RNF146: variants seen among roughly 807,000 people sequenced by gnomAD.
The protein encoded by RNF146 is ring finger protein 146, also known as E3 ubiquitin-protein ligase RNF146.
Under a neutral mutation model 29.7 loss-of-function variants are expected in RNF146, and 11 were observed. The ratio of observed to expected loss-of-function variants is 0.37; its 90% confidence interval spans 0.23 to 0.61. RNF146 has a LOEUF of 0.61. RNF146 is among the 20% of genes least tolerant of loss of function. The pLI, the probability that RNF146 is intolerant of heterozygous loss-of-function variation, is 0.66. For missense variants in RNF146, 342 were observed against 438.9 expected (o/e 0.78, Z 1.97); for synonymous variants, 150 against 159.7 (o/e 0.94, Z 0.46).
At chr6:127,280,484 A>T (rs1778783836) in intron 2 of RNF146, 144 bp downstream of exon 2, 10 of 1,303,944 alleles carry the variant, frequency 7.7e-6, no homozygotes, top group Non-Finnish European at 9.9e-6. Flanking sequence ...CTTTATTAAC[A>T]ATTTATTTAC....
intron 2 of RNF146, chr6:127,280,577 C>G: frequency 8.4e-7 from 1 of 1,190,966 alleles, no homozygotes. Flanking sequence ...CAGGAGTTTG[C>G]TCAAAGAATG....
chr6:127,275,424 ATAAATC>A (rs1409783811), intron 1 of RNF146, among the ~76,000 whole-genome samples: 4 of 152,146 alleles, frequency 2.6e-5, no homozygotes, highest in Non-Finnish European at 4.4e-5. Flanking sequence ...TGTTATTTGA[ATAAATC>A]TAATCCTTTG....
Position 127,288,337 on chromosome 6 carries a change from TAATA to T in RNF146, c.*649_*652del, listed in dbSNP as rs1779790932. On this transcript the variant is annotated 3_prime_UTR_variant, in exon 3 of 3. Coordinates refer to ENST00000368314, the MANE Select transcript of RNF146 (RefSeq NM_001242850.2). The stretch of plus-strand genomic sequence containing the variant: ...CTTTTTGATTACAAAATTTATAATT[TAATA>T]AATACTAGAGTTTATCAAAAACAGT... 1 of 166,846 alleles carries T rather than the reference TAATA, an allele frequency of 6.0e-6. No homozygotes were observed. Among genetic ancestry groups the T allele is most frequent in the African/African-American group, 2.4e-5 (1 of 41,436 alleles). 10.3% of individuals were successfully genotyped at this position (166,846 alleles called of 1,614,324 possible).
chr6:127,280,548 A>G (rs367565884), intron 2 of RNF146: 126 of 1,241,468 alleles, frequency 1.0e-4, no homozygotes, highest in Middle Eastern at 6.3e-4. Context: ...AAAAGTCTCT[A>G]TAAGAAAAAC....
At chr6:127,283,866 A>C (rs143750101) in intron 2 of RNF146, among the ~76,000 whole-genome samples, 29 of 151,862 alleles carry the variant, frequency 1.9e-4, no homozygotes, top group African/African-American at 6.3e-4. Context: ...GTCCAACTTC[A>C]CTTCATTCTG....
Position 127,287,340 on chromosome 6 carries a change from C to G in RNF146, c.727C>G (p.Leu243Val), listed in dbSNP as rs1177859804. The G allele has an allele frequency of 1.9e-6, 3 of 1,613,486 alleles. No homozygotes were observed. The highest frequency in any genetic ancestry group is 1.1e-5 in the South Asian group (1 of 91,068). ...ACCATCCCCTGATGCAAGCACTTCT[C>G]TGGAAGACTCTTTTGCTCATTTACA... is the stretch of plus-strand genomic sequence containing the variant. ...ATPSPDASTS[L>V]EDSFAHLQLS... The change falls in exon 3 of 3, where the codon CTG becomes GTG. Residue 243 changes from leucine (L) to valine (V), a missense_variant. Physicochemically the swap from Leu to Val is conservative, Grantham distance 32 (BLOSUM62 1). Coordinates refer to ENST00000368314, the MANE Select transcript of RNF146 (RefSeq NM_001242850.2).
At chr6:127,280,402 G>A (rs915154638) in intron 2 of RNF146, 62 bp downstream of exon 2, 13 of 1,518,528 alleles carry the variant, frequency 8.6e-6, no homozygotes, top group Admixed American at 4.0e-5. Context: ...GGTTTAACGT[G>A]TGGTAAATTG....
intron 1 of RNF146, among the ~76,000 whole-genome samples, chr6:127,269,104 AAAC>A: frequency 6.6e-6 from 1 of 152,308 alleles, no homozygotes; most frequent in East Asian, 1.9e-4. Flanking sequence ...TGAATTTGTG[AAAC>A]AACATCTTTG....
rs1485322374 is a variant in RNF146 at position 127,280,319 on chromosome 6, CTG to C, written c.-17_-16del. The C allele has an allele frequency of 6.5e-7, 1 of 1,546,906 alleles. No homozygotes were observed. The highest frequency in any genetic ancestry group is 2.4e-5 in the East Asian group (1 of 40,830). On this transcript the variant is annotated 5_prime_UTR_variant, in exon 2 of 3. It removes the in-frame stop codon of an upstream open reading frame in the 5' UTR. Transcript: ENST00000368314. The stretch of plus-strand genomic sequence containing the variant: ...AATGCTTTATTTTTGTGGCAGGCAT[CTG>C]TGGGATCTGTAATAGAAATGTAAGT...
At chr6:127,267,309 C>T (rs1417809025) in intron 1 of RNF146, among the ~76,000 whole-genome samples, 1 of 152,218 alleles carries the variant, frequency 6.6e-6, no homozygotes, top group African/African-American at 2.4e-5. Flanking sequence ...GGAGCAGCGG[C>T]CATTACTGCG....
intron 2 of RNF146, among the ~76,000 whole-genome samples, chr6:127,283,290 C>T (rs753728205): frequency 4.6e-5 from 7 of 151,774 alleles, no homozygotes; most frequent in Non-Finnish European, 1.0e-4. Context: ...ATTGGACTAA[C>T]GTCACTCCAA....
chr6:127,287,666 T>C lies in RNF146; in HGVS notation c.1053T>C (p.Asp351=), dbSNP rs933207045. 3 of 1,601,326 alleles carry C rather than the reference T, an allele frequency of 1.9e-6. No individual in the cohort carries two copies. The highest frequency in any genetic ancestry group is 1.7e-5 in the Admixed American group (1 of 58,608). The change falls in exon 3 of 3, where the codon GAT becomes GAC. Residue 351 remains aspartate (D), a synonymous_variant. Coordinates refer to ENST00000368314, the MANE Select transcript of RNF146 (RefSeq NM_001242850.2). ...VSVSVRSRRP[D]GQCTVTEV is the part of the protein sequence containing the mutation. ...TCAGTGTCAGATCTAGAAGGCCTGA[T>C]GGACAGTGCACAGTAACTGAAGTTT...
chr6:127,282,880 C>G (rs1779089492), intron 2 of RNF146, among the ~76,000 whole-genome samples: 1 of 151,638 alleles, frequency 6.6e-6, no homozygotes, highest in Non-Finnish European at 1.5e-5. Flanking sequence ...GGATTGTTCC[C>G]TTTTTGTGTG....
intron 1 of RNF146, among the ~76,000 whole-genome samples, chr6:127,274,771 A>T (rs1399112396): frequency 2.0e-5 from 3 of 152,098 alleles, no homozygotes; most frequent in Non-Finnish European, 1.5e-5. Flanking sequence ...AAAAACTTCA[A>T]GTTAGAATTG....
chr6:127,274,796 G>A (rs1478419566), intron 1 of RNF146, among the ~76,000 whole-genome samples: 2 of 152,118 alleles, frequency 1.3e-5, no homozygotes, highest in African/African-American at 4.8e-5. Flanking sequence ...TAAAGGCTGG[G>A]CATGGTGGCC....
At chr6:127,278,626 G>A (rs1778548266) in intron 1 of RNF146, among the ~76,000 whole-genome samples, 3 of 151,820 alleles carry the variant, frequency 2.0e-5, no homozygotes, top group Admixed American at 6.6e-5. Flanking sequence ...TAATATTTCC[G>A]CAGTGAATAT....
At position 127,280,346 on chromosome 6, in the gene RNF146, T is replaced by C; in HGVS notation, c.2+6T>C. 2 of 1,547,108 alleles carry C rather than the reference T, an allele frequency of 1.3e-6. No homozygotes were observed. The highest frequency in any genetic ancestry group is 8.7e-7 in the Non-Finnish European group (1 of 1,144,652). ...GTGGGATCTGTAATAGAAATGTAAG[T>C]GTAGCATCATGGTTTTTTTCAGTGC... On this transcript the variant is annotated splice_donor_region_variant and intron_variant, in intron 2 of 2. Coordinates refer to ENST00000368314, the MANE Select transcript of RNF146 (RefSeq NM_001242850.2).
At chr6:127,283,335 G>T (rs1779137655) in intron 2 of RNF146, among the ~76,000 whole-genome samples, 1 of 151,678 alleles carries the variant, frequency 6.6e-6, no homozygotes, top group Non-Finnish European at 1.5e-5. Context: ...TTAGTAAACT[G>T]GAAATAAATT....
rs372624721 is a variant in RNF146, at chr6:127,286,713, G to A, written c.100G>A (p.Val34Ile). The A allele has an allele frequency of 1.9e-4, 303 of 1,613,118 alleles. No individual in the cohort carries two copies. The highest frequency in any genetic ancestry group is 2.5e-4 in the Non-Finnish European group (292 of 1,179,568). The part of the protein sequence containing the change: ...SCSNTAPSLT[V>I]PECAICLQTC... ...TTCTAATACTGCACCTTCTTTAACC[G>A]TCCCTGAATGTGCCATTTGTCTGCA... Residue 34 changes from valine to isoleucine, a missense_variant, in exon 3 of 3, where the codon GTC becomes ATC. By Grantham distance (29) the Val-to-Ile change is conservative. This residue lies in a region of RNF146 where 39 missense variants were observed against 43.1 expected (regional missense o/e 0.90). Coordinates refer to ENST00000368314, the MANE Select transcript of RNF146 (RefSeq NM_001242850.2). This position sits in a 1 kb window ranked among gnomAD's most constrained non-coding sequence, Gnocchi z 4.6.
Sources: gnomAD v4.1 joint callset for allele counts (sites outside exome capture counted in the v4.1 genomes callset) on GRCh38, gnomAD v4.1.1 for gene constraint, gnomAD v4.1.1 regional missense constraint, Gnocchi (gnomAD v3.1) non-coding constraint, MANE v1.5 for transcripts, NCBI Gene and HGNC (gene_info 2026-07-23, HGNC 2026-07-21) for gene names.